The following AFTPH variants were observed in gnomAD, a reference collection of about 807,000 sequenced individuals.
AFTPH encodes aftiphilin protein.
AFTPH carries 7 observed loss-of-function variants against 72.5 expected under a neutral mutation model. The observed-to-expected ratio is 0.10, with a 90% CI of 0.05 to 0.18. The LOEUF is 0.18. AFTPH is among the 10% of genes least tolerant of loss of function. The pLI is 1.00. For missense variants in AFTPH, 979 were observed against 1,060.5 expected, an observed-to-expected ratio of 0.92 and a Z score of 1.07; for synonymous variants, 337 against 370.1, an observed-to-expected ratio of 0.91 and a Z score of 1.03.
At chr2:64,587,022 T>C (rs1177034835) in intron 8 of AFTPH, among the ~76,000 whole-genome samples, 1 of 152,230 alleles carries the variant, frequency 6.6e-6, no homozygotes, top group African/African-American at 2.4e-5. Flanking sequence ...ACCAAAGAAC[T>C]ATAGAAGTTT....
At chr2:64,529,749 C>T (rs1161428049) in intron 1 of AFTPH, among the ~76,000 whole-genome samples, 1 of 151,888 alleles carries the variant, frequency 6.6e-6, no homozygotes, top group Non-Finnish European at 1.5e-5. Flanking sequence ...CCTGCCTCAG[C>T]CTCCTAAATA....
At chr2:64,545,340 A>C (rs1259611511) in intron 1 of AFTPH, among the ~76,000 whole-genome samples, 1 of 151,762 alleles carries the variant, frequency 6.6e-6, no homozygotes, top group Non-Finnish European at 1.5e-5. Context: ...GAAAACTTAC[A>C]TGCCCACAAA....
intron 6 of AFTPH, among the ~76,000 whole-genome samples, chr2:64,578,437 C>G (rs1186536864): frequency 6.6e-6 from 1 of 152,144 alleles, no homozygotes; most frequent in Admixed American, 6.5e-5. Flanking sequence ...TAAGAATATT[C>G]TTAAAATGAA....
chr2:64,579,159 T>TAATC (rs1278245409), intron 6 of AFTPH, among the ~76,000 whole-genome samples: 3 of 152,216 alleles, frequency 2.0e-5, no homozygotes, highest in African/African-American at 7.2e-5. Context: ...ATTTTTATTG[T>TAATC]AATCACATCA....
chr2:64,552,551 C>T (rs372624982), exon 2 of AFTPH: 24 of 1,614,044 alleles, frequency 1.5e-5, no homozygotes, highest in Non-Finnish European at 1.7e-5. Flanking sequence ...AAAAACTTGA[C>T]TTACTTACTT....
chr2:64,592,000 C>A (rs1394706092), exon 9 of AFTPH: 1 of 1,613,762 alleles, frequency 6.2e-7, no homozygotes, highest in Non-Finnish European at 8.5e-7. Flanking sequence ...CACGTTAACA[C>A]CTTCCACAAG....
intron 2 of AFTPH, among the ~76,000 whole-genome samples, chr2:64,566,131 C>T (rs1306575756): frequency 6.6e-6 from 1 of 152,164 alleles, no homozygotes; most frequent in East Asian, 1.9e-4. Context: ...GTTATCTGAT[C>T]CCTTTGAAAA....
chr2:64,540,298 T>C (rs1670159869), intron 1 of AFTPH, among the ~76,000 whole-genome samples: 1 of 152,204 alleles, frequency 6.6e-6, no homozygotes, highest in South Asian at 2.1e-4. Flanking sequence ...GCTTCCATTT[T>C]GTTGCCCTTG....
At chr2:64,581,805 A>G (rs1673222683) in intron 7 of AFTPH, among the ~76,000 whole-genome samples, 1 of 152,212 alleles carries the variant, frequency 6.6e-6, no homozygotes, top group South Asian at 2.1e-4. Flanking sequence ...AGTCCCACAT[A>G]GAACTATTTC....
chr2:64,579,544 A>C (rs1352997164), exon 7 of AFTPH: 1 of 1,613,466 alleles, frequency 6.2e-7, no homozygotes. Flanking sequence ...AACCCTTTAG[A>C]TGGTACGTCT....
chr2:64,590,721 C>T (rs1469981985), intron 8 of AFTPH, among the ~76,000 whole-genome samples: 2 of 152,176 alleles, frequency 1.3e-5, no homozygotes, highest in Non-Finnish European at 1.5e-5. Context: ...TGCTTTTTCC[C>T]TTTTGAAAAA....
At chr2:64,537,257 C>T (rs1472759030) in intron 1 of AFTPH, among the ~76,000 whole-genome samples, 2 of 152,072 alleles carry the variant, frequency 1.3e-5, no homozygotes, top group Non-Finnish European at 2.9e-5. Context: ...AAACAACAGA[C>T]ACCAGAGCCT....
At chr2:64,577,601 A>AAAGGTGTCACTGATCTAG (rs1672902948) in intron 6 of AFTPH, among the ~76,000 whole-genome samples, 1 of 152,214 alleles carries the variant, frequency 6.6e-6, no homozygotes, top group Non-Finnish European at 1.5e-5. Flanking sequence ...GAATATGCCC[A>AAAGGTGTCACTGATCTAG]AAGGTGTCAC....
At chr2:64,585,315 T>TA in intron 7 of AFTPH, 107 bp from the exon 9 acceptor site, 1 of 1,362,288 alleles carries the variant, frequency 7.3e-7, no homozygotes, top group Non-Finnish European at 1.0e-6. Flanking sequence ...GTTCTGTTTG[T>TA]AAAACACTCA....
At chr2:64,561,730 G>T (rs764139726) in intron 2 of AFTPH, among the ~76,000 whole-genome samples, 1 of 152,098 alleles carries the variant, frequency 6.6e-6, no homozygotes, top group Non-Finnish European at 1.5e-5. Flanking sequence ...TTGATTTGAC[G>T]TTTAGTATTG....
intron 1 of AFTPH, among the ~76,000 whole-genome samples, chr2:64,549,308 CTTTTTTTTTTTTTTTTTTTT>C (rs34951706): frequency 3.6e-5 from 2 of 55,982 alleles, no homozygotes; most frequent in Admixed American, 5.9e-4. Flanking sequence ...TTAGTCCTCC[CTTTTTTTTTTTTTTTTTTTT>C]TTTTTTTTTT....
At chr2:64,538,337 C>A (rs1670001966) in intron 1 of AFTPH, among the ~76,000 whole-genome samples, 1 of 152,030 alleles carries the variant, frequency 6.6e-6, no homozygotes, top group African/African-American at 2.4e-5. Flanking sequence ...CCAAGCAAAA[C>A]CATCATTAAA....
chr2:64,527,196 T>G (rs1451246081), intron 1 of AFTPH, among the ~76,000 whole-genome samples: 2 of 152,192 alleles, frequency 1.3e-5, no homozygotes, highest in African/African-American at 4.8e-5. Context: ...GTTAAGAGAT[T>G]AAGATTTAAC....
At chr2:64,528,151 A>C (rs1304567246) in intron 1 of AFTPH, among the ~76,000 whole-genome samples, 1 of 152,256 alleles carries the variant, frequency 6.6e-6, no homozygotes, top group Non-Finnish European at 1.5e-5. Context: ...GTATTTGTGA[A>C]TAATTCCCAT....
Sources: gnomAD v4.1 joint callset for allele counts (sites outside exome capture counted in the v4.1 genomes callset) on GRCh38, gnomAD v4.1.1 for gene constraint, MANE v1.5 for transcripts, NCBI Gene and HGNC (gene_info 2026-07-23, HGNC 2026-07-21) for gene names.